HIVEP3: variants seen among roughly 807,000 people sequenced by gnomAD.
HIVEP3 encodes the protein transcription factor HIVEP3.
A neutral mutation model predicts 152.8 loss-of-function variants in HIVEP3; 49 were observed. That is an observed-to-expected ratio of 0.32 (90% confidence interval 0.26 to 0.41). The LOEUF (loss-of-function observed/expected upper bound fraction) is 0.41. Ranked by LOEUF, HIVEP3 falls within the 10% of genes least tolerant of loss-of-function variation. The probability of loss-of-function intolerance (pLI) is 1.00; values close to 1 mark genes in which losing one functional copy is unlikely to be tolerated. For missense variants in HIVEP3, 2,790 were observed against 3,103.3 expected (o/e 0.90, Z 2.40); for synonymous variants, 1,269 against 1,289.0 (o/e 0.98, Z 0.33).
At chr1:41,676,839 C>T (rs745648035) in intron 2 of HIVEP3, among the ~76,000 whole-genome samples, 1 of 152,158 alleles carries the variant, frequency 6.6e-6, no homozygotes, top group Non-Finnish European at 1.5e-5. Context: ...CCAAGACGGG[C>T]CAATCACAGC....
intron 1 of HIVEP3, among the ~76,000 whole-genome samples, chr1:41,841,708 G>A (rs1366691094): frequency 5.9e-5 from 9 of 152,192 alleles, no homozygotes; most frequent in African/African-American, 1.2e-4. Flanking sequence ...GTCCTCACGC[G>A]TAAGTGATGG....
At chr1:41,575,508 C>A in intron 5 of HIVEP3, 36 bp downstream of exon 5, 2 of 1,606,176 alleles carry the variant, frequency 1.2e-6, no homozygotes, top group Non-Finnish European at 8.5e-7. Context: ...TCTTATTCCA[C>A]GGAAGCAGAC....
At chr1:41,528,306 TCACCTTCACACTC>T in intron 5 of HIVEP3, among the ~76,000 whole-genome samples, 1 of 61,374 alleles carries the variant, frequency 1.6e-5, no homozygotes, top group South Asian at 6.0e-4. Flanking sequence ...ACCCTCACAC[TCACCTTCACACTC>T]CACACCCCCA....
chr1:41,882,184 G>A (rs1321493806), intron 1 of HIVEP3, among the ~76,000 whole-genome samples: 3 of 152,170 alleles, frequency 2.0e-5, no homozygotes, highest in African/African-American at 7.2e-5. Context: ...TGGTAAAGTG[G>A]CAGGTGTGTT....
intron 2 of HIVEP3, among the ~76,000 whole-genome samples, chr1:41,700,580 C>T (rs1646346966): frequency 6.6e-6 from 1 of 152,200 alleles, no homozygotes; most frequent in African/African-American, 2.4e-5. Flanking sequence ...GTCCCACTCC[C>T]TCACTTTGCA....
intron 3 of HIVEP3, among the ~76,000 whole-genome samples, chr1:41,621,466 T>C (rs1308556272): frequency 2.6e-5 from 4 of 152,368 alleles, no homozygotes; most frequent in African/African-American, 9.6e-5. Flanking sequence ...GACTGCTCTG[T>C]CCACTCCCCA....
In HIVEP3 at chr1:42,017,577, C is replaced by T. The variant is rs192084072; in HGVS notation, n.119+18230G>A. The stretch of plus-strand genomic sequence containing the variant: ...TTCTCAGCATTATGTTTGTGACATA[C>T]GCCCATGTTTTTGCATGTGATTATA... On this transcript the variant is annotated intron_variant and non_coding_transcript_variant, in intron 1 of 3. Transcript: ENST00000489103. Among the ~76,000 whole-genome samples, 289 of 152,192 alleles carry T rather than the reference C, an allele frequency of 1.9e-3. 3 individuals carry two copies. Among genetic ancestry groups the T allele is most frequent in the Non-Finnish European group, 1.1e-3 (77 of 67,986 alleles).
chr1:41,510,544 G>A lies in HIVEP3; in HGVS notation c.7128C>T (p.Pro2376=), dbSNP rs1339326800. The part of the protein sequence containing the change: ...PARTRNLSGE[P]RTRQDSPKPS... Reference sequence around the variant, plus strand: ...GCTTGGGGGAGTCCTGCCTGGTCCTGGGTTCCCCGGAGAGGTTCCTCGTCC... The same window carrying A: ...GCTTGGGGGAGTCCTGCCTGGTCCTAGGTTCCCCGGAGAGGTTCCTCGTCC... Residue 2376 remains proline (P), a synonymous_variant, in exon 9 of 9, where the codon CCC becomes CCT. Coordinates refer to ENST00000372583, the MANE Select transcript of HIVEP3 (RefSeq NM_024503.5). The A allele has an allele frequency of 1.3e-6, 2 of 1,578,294 alleles. No homozygotes were observed. Among genetic ancestry groups the A allele is most frequent in the East Asian group, 4.6e-5 (2 of 43,070 alleles).
At chr1:41,593,573 T>C (rs2149117853) in intron 3 of HIVEP3, among the ~76,000 whole-genome samples, 1 of 152,380 alleles carries the variant, frequency 6.6e-6, no homozygotes, top group East Asian at 1.9e-4. Flanking sequence ...TTGAAGCTTT[T>C]CATGGGGACT....
chr1:41,962,747 G>GA (rs1255125525), intron 1 of HIVEP3, among the ~76,000 whole-genome samples: 4 of 152,166 alleles, frequency 2.6e-5, no homozygotes, highest in Non-Finnish European at 4.4e-5. Context: ...AAAAATTTCT[G>GA]AAAGAAAGAT....
chr1:41,956,438 G>T (rs1195113419), intron 1 of HIVEP3, among the ~76,000 whole-genome samples: 1 of 152,218 alleles, frequency 6.6e-6, no homozygotes, highest in Non-Finnish European at 1.5e-5. Context: ...GATCTCTGTA[G>T]AGCACCAGCC....
chr1:41,808,635 G>T (rs184608571), intron 1 of HIVEP3, among the ~76,000 whole-genome samples: 3 of 152,330 alleles, frequency 2.0e-5, no homozygotes, highest in African/African-American at 7.2e-5. Flanking sequence ...TGGTTTCCCA[G>T]GCCTGTTAAC....
intron 1 of HIVEP3, among the ~76,000 whole-genome samples, chr1:42,025,807 C>T (rs1645578517): frequency 1.3e-5 from 2 of 152,212 alleles, no homozygotes; most frequent in Admixed American, 1.3e-4. Context: ...TGGTAGCTCA[C>T]ACCTGTAATC....
intron 1 of HIVEP3, among the ~76,000 whole-genome samples, chr1:41,911,412 T>C (rs1391092364): frequency 6.6e-6 from 1 of 152,204 alleles, no homozygotes; most frequent in Non-Finnish European, 1.5e-5. Context: ...CAGCTGGATA[T>C]AGAAATTGGT....
At chr1:41,639,388 C>A (rs1240372840) in intron 2 of HIVEP3, among the ~76,000 whole-genome samples, 1 of 152,282 alleles carries the variant, frequency 6.6e-6, no homozygotes, top group Admixed American at 6.5e-5. Flanking sequence ...TGGGTTCAGA[C>A]CCTGGTTTCA....
At chr1:41,869,375 C>A (rs1490346401) in intron 1 of HIVEP3, among the ~76,000 whole-genome samples, 3 of 152,178 alleles carry the variant, frequency 2.0e-5, no homozygotes, top group Non-Finnish European at 4.4e-5. Flanking sequence ...CCCCAAGAGA[C>A]AAACGGAAAC....
chr1:41,994,434 T>C (rs1645383099), intron 1 of HIVEP3, among the ~76,000 whole-genome samples: 1 of 152,172 alleles, frequency 6.6e-6, no homozygotes, highest in Admixed American at 6.5e-5. Flanking sequence ...TTCCCAATGT[T>C]GGGAAAGGGA....
intron 1 of HIVEP3, among the ~76,000 whole-genome samples, chr1:41,796,618 C>T (rs561692825): frequency 1.2e-4 from 19 of 152,370 alleles, no homozygotes; most frequent in African/African-American, 4.3e-4. Flanking sequence ...TTCAAATCCA[C>T]GGTCCATCAT....
chr1:41,595,923 T>C (rs1332039745), intron 3 of HIVEP3, among the ~76,000 whole-genome samples: 1 of 152,218 alleles, frequency 6.6e-6, no homozygotes, highest in East Asian at 1.9e-4. Context: ...TGTGATTGTG[T>C]GAGTCAATAC....
Sources: allele counts gnomAD v4.1 joint callset (sites outside exome capture counted in the v4.1 genomes callset), GRCh38; gene constraint gnomAD v4.1.1; transcripts MANE v1.5; gene names NCBI Gene and HGNC (gene_info 2026-07-23, HGNC 2026-07-21).